KCNIP1: variants seen among roughly 807,000 people sequenced by gnomAD.
KCNIP1 encodes the protein A-type potassium channel modulatory protein KCNIP1.
A neutral mutation model predicts 33.0 loss-of-function variants in KCNIP1; 18 were observed. The observed-to-expected ratio is 0.55, with a 90% confidence interval of 0.38 to 0.81. The LOEUF (loss-of-function observed/expected upper bound fraction) is 0.81, where lower values mean the gene tolerates loss of function less well. Ranked by LOEUF, KCNIP1 falls within the 30% of genes least tolerant of loss-of-function variation. KCNIP1 has a pLI of 0.00. For synonymous variants in KCNIP1, 93 were observed against 98.3 expected, an observed-to-expected ratio of 0.95 and a Z score of 0.32; for missense variants, 238 against 271.6, an observed-to-expected ratio of 0.88 and a Z score of 0.87.
chr5:170,671,695 TG>T (rs1033462240), intron 1 of KCNIP1, among the ~76,000 whole-genome samples: 36 of 152,378 alleles, frequency 2.4e-4, no homozygotes, highest in African/African-American at 8.4e-4. Flanking sequence ...GCACAGAGCC[TG>T]GCTCATAATA....
At chr5:170,708,721 C>A (rs1763346215) in intron 1 of KCNIP1, among the ~76,000 whole-genome samples, 1 of 152,074 alleles carries the variant, frequency 6.6e-6, no homozygotes, top group Admixed American at 6.5e-5. Context: ...TATAGTGAGA[C>A]CTCATCTCCA....
intron 1 of KCNIP1, among the ~76,000 whole-genome samples, chr5:170,427,908 T>C (rs989172304): frequency 6.6e-6 from 1 of 152,224 alleles, no homozygotes; most frequent in African/African-American, 2.4e-5. Context: ...AGGAGGCCTA[T>C]GGGTTAACTT....
intron 1 of KCNIP1, among the ~76,000 whole-genome samples, chr5:170,439,611 G>C (rs927889875): frequency 6.6e-6 from 1 of 152,208 alleles, no homozygotes; most frequent in South Asian, 2.1e-4. Context: ...GCTCATCTAC[G>C]CAAGCCTTGG....
chr5:170,641,871 G>T (rs888624125), intron 1 of KCNIP1, among the ~76,000 whole-genome samples: 2 of 152,152 alleles, frequency 1.3e-5, no homozygotes, highest in African/African-American at 4.8e-5. Context: ...CGCTAGTCCT[G>T]CCTGGATGCT....
intron 1 of KCNIP1, among the ~76,000 whole-genome samples, chr5:170,391,276 G>A (rs1220799805): frequency 1.3e-5 from 2 of 152,158 alleles, no homozygotes; most frequent in African/African-American, 2.4e-5. Context: ...GAGTATAACC[G>A]AAGGGCTCCT....
At chr5:170,518,844 C>T (rs1561664059) in intron 1 of KCNIP1, among the ~76,000 whole-genome samples, 1 of 152,194 alleles carries the variant, frequency 6.6e-6, no homozygotes, top group Non-Finnish European at 1.5e-5. Context: ...CCACCGGCTG[C>T]TTCTGGAGAG....
intron 1 of KCNIP1, among the ~76,000 whole-genome samples, chr5:170,617,141 A>G (rs529165364): frequency 2.0e-5 from 3 of 152,260 alleles, no homozygotes; most frequent in Admixed American, 1.3e-4. Flanking sequence ...ATAGGAACAC[A>G]GGGTCCCTGC....
chr5:170,442,329 T>G (rs1553533), intron 1 of KCNIP1, among the ~76,000 whole-genome samples: 94,309 of 152,014 alleles, frequency 0.62, 30,174 homozygotes, highest in South Asian at 0.7. Context: ...AGGGGCCCAG[T>G]GGCCCTGGAA....
intron 1 of KCNIP1, among the ~76,000 whole-genome samples, chr5:170,604,077 C>T (rs1438527095): frequency 6.6e-6 from 1 of 152,068 alleles, no homozygotes; most frequent in East Asian, 1.9e-4. Flanking sequence ...GGGACAAGTT[C>T]CCCTGGCATG....
intron 1 of KCNIP1, among the ~76,000 whole-genome samples, chr5:170,481,908 A>C (rs948196779): frequency 6.6e-6 from 1 of 152,204 alleles, no homozygotes. Context: ...CAGAACTGAA[A>C]TCATCCCTTC....
chr5:170,493,036 C>T (rs1239029279), intron 1 of KCNIP1, among the ~76,000 whole-genome samples: 1 of 152,200 alleles, frequency 6.6e-6, no homozygotes, highest in Admixed American at 6.5e-5. Flanking sequence ...GCGTAAGCCA[C>T]CTCCCCCGGC....
chr5:170,614,467 T>G (rs1474090797), intron 1 of KCNIP1, among the ~76,000 whole-genome samples: 2 of 152,220 alleles, frequency 1.3e-5, no homozygotes, highest in Non-Finnish European at 2.9e-5. Flanking sequence ...TTTTGAGACT[T>G]TTTGTTCTTA....
intron 1 of KCNIP1, among the ~76,000 whole-genome samples, chr5:170,620,606 A>G (rs1321424730): frequency 1.3e-5 from 2 of 152,074 alleles, no homozygotes; most frequent in Admixed American, 6.6e-5. Context: ...TGATCTATGG[A>G]CTTCTTAGTT....
intron 1 of KCNIP1, among the ~76,000 whole-genome samples, chr5:170,403,054 C>A (rs1269990260): frequency 6.6e-6 from 1 of 152,164 alleles, no homozygotes; most frequent in Admixed American, 6.5e-5. Flanking sequence ...GTGCCAGGAA[C>A]ATGATTGGTA....
intron 1 of KCNIP1, among the ~76,000 whole-genome samples, chr5:170,619,779 A>C (rs1416647059): frequency 1.3e-5 from 2 of 152,202 alleles, no homozygotes; most frequent in Non-Finnish European, 2.9e-5. Flanking sequence ...CAATCTGATG[A>C]GGAGAATATT....
chr5:170,555,820 C>T (rs6862064), intron 1 of KCNIP1, among the ~76,000 whole-genome samples: 6,148 of 152,220 alleles, frequency 0.04, 404 homozygotes, highest in African/African-American at 0.13. Context: ...GGAATGGTGA[C>T]GTATCTGGTT....
chr5:170,440,732 T>A (rs1035613629), intron 1 of KCNIP1, among the ~76,000 whole-genome samples: 13 of 152,224 alleles, frequency 8.5e-5, no homozygotes, highest in Non-Finnish European at 1.6e-4. Context: ...TTGGGCCTCA[T>A]CTGCTTATCT....
chr5:170,467,681 G>T (rs929590682), intron 1 of KCNIP1, among the ~76,000 whole-genome samples: 1 of 152,132 alleles, frequency 6.6e-6, no homozygotes, highest in African/African-American at 2.4e-5. Context: ...GCTTCGAGAG[G>T]CCGAGGCGGG....
intron 1 of KCNIP1, among the ~76,000 whole-genome samples, chr5:170,428,621 C>T (rs1408119207): frequency 6.6e-6 from 1 of 152,138 alleles, no homozygotes; most frequent in African/African-American, 2.4e-5. Flanking sequence ...GCTGTCCCAT[C>T]AGTACTCACG....
Sources: gnomAD v4.1 joint callset for allele counts (sites outside exome capture counted in the v4.1 genomes callset) on GRCh38, gnomAD v4.1.1 for gene constraint, MANE v1.5 for transcripts, NCBI Gene and HGNC (gene_info 2026-07-23, HGNC 2026-07-21) for gene names.